Variants in KCNT2 observed in about 807,000 individuals in gnomAD.
KCNT2 encodes potassium sodium-activated channel subfamily T member 2, also known as potassium channel subfamily T member 2.
In KCNT2, 67 loss-of-function variants were observed where a neutral mutation model predicts 153.8. The observed-to-expected ratio is 0.44, with a 90% confidence interval of 0.36 to 0.53. KCNT2 has a LOEUF of 0.53. Ranked by LOEUF, KCNT2 falls within the 20% of genes least tolerant of loss-of-function variation. The pLI, the probability that KCNT2 is intolerant of heterozygous loss-of-function variation, is 0.00. For missense variants in KCNT2, 975 were observed against 1,354.8 expected, an observed-to-expected ratio of 0.72 and a Z score of 4.40; for synonymous variants, 500 against 458.8, an observed-to-expected ratio of 1.09 and a Z score of -1.15.
At chr1:196,550,183 C>T (rs949241359) in intron 1 of KCNT2, among the ~76,000 whole-genome samples, 1 of 151,812 alleles carries the variant, frequency 6.6e-6, no homozygotes, top group Non-Finnish European at 1.5e-5. Context: ...CTCCCATATG[C>T]TTATTATCAG....
intron 22 of KCNT2, among the ~76,000 whole-genome samples, chr1:196,293,967 CATATCCAAAATAT>C (rs1477677238): frequency 6.6e-6 from 1 of 151,676 alleles, no homozygotes; most frequent in Non-Finnish European, 1.5e-5. Context: ...ATAGGGGGCT[CATATCCAAAATAT>C]ATAAGGACTC....
intron 11 of KCNT2, among the ~76,000 whole-genome samples, chr1:196,425,272 T>C (rs1261449527): frequency 1.3e-5 from 2 of 151,886 alleles, no homozygotes; most frequent in Non-Finnish European, 2.9e-5. Flanking sequence ...TTAAGACAAA[T>C]TGCCTGGTAC....
intron 13 of KCNT2, among the ~76,000 whole-genome samples, chr1:196,374,614 G>A (rs1009890100): frequency 6.6e-6 from 1 of 151,728 alleles, no homozygotes; most frequent in Non-Finnish European, 1.5e-5. Context: ...TGCTTTGCAG[G>A]AAAGGCAAGC....
chr1:196,479,027 A>G (rs533396196), intron 5 of KCNT2, 152 bp downstream of exon 5: 4 of 611,298 alleles, frequency 6.5e-6, no homozygotes, highest in South Asian at 5.8e-5. Flanking sequence ...CCGTATTCAT[A>G]CAGCTTTTTA....
At chr1:196,604,871 AGTGTAT>A (rs1203013330) in intron 1 of KCNT2, among the ~76,000 whole-genome samples, 1 of 152,112 alleles carries the variant, frequency 6.6e-6, no homozygotes, top group African/African-American at 2.4e-5. Context: ...ACATTATGCC[AGTGTAT>A]GTGTATGTGT....
intron 1 of KCNT2, among the ~76,000 whole-genome samples, chr1:196,502,453 G>A (rs915480759): frequency 6.6e-6 from 1 of 152,118 alleles, no homozygotes; most frequent in Non-Finnish European, 1.5e-5. Flanking sequence ...ACACGTATAT[G>A]CACATATATG....
In KCNT2 at chr1:196,264,490, T is replaced by G. The variant is rs567580764; in HGVS notation, c.2911-5996A>C. Among the ~76,000 whole-genome samples the G allele has an allele frequency of 5.3e-5, 8 of 152,228 alleles. No individual in the cohort carries two copies. In the East Asian group the frequency reaches 1.5e-3, roughly 29 times the overall value. On this transcript the variant is annotated intron_variant, in intron 25 of 27. Coordinates refer to ENST00000294725, the MANE Select transcript of KCNT2 (RefSeq NM_198503.5). The stretch of plus-strand genomic sequence containing the variant: ...CATCATAAATAGTCTGCCTCCATTT[T>G]TGACATTAGACTGCTGACTGCTTTC...
intron 1 of KCNT2, among the ~76,000 whole-genome samples, chr1:196,508,664 A>G (rs1681354905): frequency 6.6e-6 from 1 of 152,226 alleles, no homozygotes; most frequent in Non-Finnish European, 1.5e-5. Context: ...GAGAAACAAT[A>G]TTGGCTAATA....
intron 14 of KCNT2, among the ~76,000 whole-genome samples, chr1:196,366,243 T>A (rs1172786190): frequency 1.3e-5 from 2 of 152,070 alleles, no homozygotes; most frequent in South Asian, 4.2e-4. Context: ...CACCGCAGCC[T>A]CTGCCTCCTG....
At chr1:196,414,036 GCAAT>G (rs1672552529) in intron 12 of KCNT2, among the ~76,000 whole-genome samples, 2 of 151,358 alleles carry the variant, frequency 1.3e-5, no homozygotes, top group South Asian at 4.2e-4. Flanking sequence ...CAAATAGTGT[GCAAT>G]CAATGTTTTT....
At chr1:196,366,010 T>A (rs192779788) in intron 14 of KCNT2, among the ~76,000 whole-genome samples, 29 of 152,166 alleles carry the variant, frequency 1.9e-4, no homozygotes, top group African/African-American at 6.8e-4. Flanking sequence ...ACAGCCAAAT[T>A]TGTATGTTCA....
chr1:196,289,553 T>C (rs936765699), intron 22 of KCNT2, among the ~76,000 whole-genome samples: 2 of 152,112 alleles, frequency 1.3e-5, no homozygotes, highest in Non-Finnish European at 2.9e-5. Flanking sequence ...AGTTTAATGC[T>C]TAGAACATTC....
At chr1:196,411,863 G>A (rs923080066) in intron 12 of KCNT2, among the ~76,000 whole-genome samples, 8 of 151,672 alleles carry the variant, frequency 5.3e-5, no homozygotes, top group Non-Finnish European at 1.2e-4. Flanking sequence ...CCCTGTATAT[G>A]CTATGTTTTT....
intron 7 of KCNT2, among the ~76,000 whole-genome samples, chr1:196,467,219 T>A (rs1318489429): frequency 6.6e-6 from 1 of 152,086 alleles, no homozygotes; most frequent in Non-Finnish European, 1.5e-5. Flanking sequence ...ATTGGCTAAG[T>A]GGTTGAACCA....
At chr1:196,356,154 T>A (rs796547526) in intron 14 of KCNT2, among the ~76,000 whole-genome samples, 2 of 151,806 alleles carry the variant, frequency 1.3e-5, no homozygotes, top group East Asian at 3.9e-4. Context: ...CTCTCCATGT[T>A]GTCATTTGAT....
chr1:196,466,378 T>C (rs1251351176), intron 7 of KCNT2, among the ~76,000 whole-genome samples: 4 of 152,158 alleles, frequency 2.6e-5, no homozygotes, highest in South Asian at 4.1e-4. Context: ...TGGCAATGTA[T>C]TTTCATAAGA....
chr1:196,377,666 A>T (rs947991044), intron 13 of KCNT2, among the ~76,000 whole-genome samples: 11 of 152,178 alleles, frequency 7.2e-5, no homozygotes, highest in African/African-American at 2.6e-4. Context: ...CAGAAAGAGA[A>T]GGGAATAGAA....
chr1:196,476,959 C>T (rs1000424738), intron 5 of KCNT2, among the ~76,000 whole-genome samples: 2 of 152,046 alleles, frequency 1.3e-5, no homozygotes, highest in Admixed American at 6.5e-5. Context: ...AACTCAATAG[C>T]CTTTTCTCAA....
intron 21 of KCNT2, among the ~76,000 whole-genome samples, chr1:196,308,823 T>C (rs1208937768): frequency 2.0e-5 from 3 of 151,996 alleles, no homozygotes; most frequent in African/African-American, 7.2e-5. Flanking sequence ...AAATAAATTA[T>C]TAACAATATC....
Sources: allele counts gnomAD v4.1 joint callset (sites outside exome capture counted in the v4.1 genomes callset), GRCh38; gene constraint gnomAD v4.1.1; transcripts MANE v1.5; gene names NCBI Gene and HGNC (gene_info 2026-07-23, HGNC 2026-07-21).